Variants in ACBD5 observed in about 807,000 individuals in gnomAD.
ACBD5 encodes the protein acyl-CoA binding domain containing 5.
In ACBD5, 40 loss-of-function variants were observed where a neutral mutation model predicts 71.8. The observed-to-expected ratio is 0.56, with a 90% CI of 0.43 to 0.72. The LOEUF (loss-of-function observed/expected upper bound fraction) is 0.72, where lower values mean the gene tolerates loss of function less well. ACBD5 is among the 30% of genes least tolerant of loss of function. ACBD5 has a pLI of 0.00. For synonymous variants in ACBD5, 229 were observed against 218.6 expected, an observed-to-expected ratio of 1.05 and a Z score of -0.42; for missense variants, 559 against 644.5, an observed-to-expected ratio of 0.87 and a Z score of 1.44.
chr10:27,208,148 T>C, intron 10 of ACBD5, 98 bp downstream of exon 10: 3 of 1,291,130 alleles, frequency 2.3e-6, no homozygotes, highest in Non-Finnish European at 3.3e-6. Context: ...AAAAAATCAG[T>C]AAAATACATT....
Position 27,196,245 on chromosome 10 carries a change from C to A in ACBD5, c.*1185G>T, listed in dbSNP as rs1179467496. 2.2e-6 allele frequency: 1 copy of A among 454,020 alleles called. No homozygotes were observed. The highest frequency in any genetic ancestry group is 2.4e-5 in the Admixed American group (1 of 42,534). The allele number at this position is 454,020 out of a possible 1,614,324, so 28.1% of individuals were successfully genotyped here. A position where few individuals can be genotyped will look rare whatever the true frequency, so the allele number is the denominator to read the frequency against. ...ACAAAGACTGCATCAAAGAAATCTT[C>A]AAAGCACAAGGTACATCTAAGTGAG... On this transcript the variant is annotated 3_prime_UTR_variant, in exon 13 of 13. Transcript: ENST00000396271.
At chr10:27,206,666 C>A (rs563468291) in intron 10 of ACBD5, among the ~76,000 whole-genome samples, 1 of 152,066 alleles carries the variant, frequency 6.6e-6, no homozygotes, top group Non-Finnish European at 1.5e-5. Context: ...CAGGCATGCA[C>A]CACCACGCCC....
In ACBD5 at chr10:27,208,137, A is replaced by G. The variant is rs1336557040; in HGVS notation, c.1404+109T>C. The G allele has an allele frequency of 4.2e-6, 5 of 1,200,312 alleles. No individual in the cohort carries two copies. In the Admixed American group the frequency reaches 9.2e-5, roughly 22 times the overall value. 74.4% of individuals were successfully genotyped at this position (1,200,312 alleles called of 1,614,324 possible). A position where few individuals can be genotyped will look rare whatever the true frequency, so the allele number is the denominator to read the frequency against. On this transcript the variant is annotated intron_variant, in intron 10 of 12. Transcript: ENST00000396271. ...TTTTCAAAACCAAGTTCTATTTTCT[A>G]AAAAAATCAGTAAAATACATTAATT... is the stretch of plus-strand genomic sequence containing the variant.
In ACBD5 at chr10:27,235,216, T is replaced by C. The variant is rs1205111287; in HGVS notation, c.182-4A>G. 1.2e-5 allele frequency: 19 copies of C among 1,613,756 alleles called. No individual in the cohort carries two copies. Among genetic ancestry groups the C allele is most frequent in the Non-Finnish European group, 1.5e-5 (18 of 1,179,912 alleles). ...TCATTTGTTGGCTGGAATGAACCTG[T>C]TGGAAACACACATTAAATACAAATC... On this transcript the variant is annotated splice_region_variant and splice_polypyrimidine_tract_variant and intron_variant, in intron 2 of 12. Transcript: ENST00000396271.
At chr10:27,218,240 T>C in intron 6 of ACBD5, 57 bp from the exon 7 acceptor site, 1 of 1,317,938 alleles carries the variant, frequency 7.6e-7, no homozygotes, top group Non-Finnish European at 1.1e-6. Context: ...ACCTTCTGCA[T>C]ACCATGTTTT....
At chr10:27,235,001 A>T in intron 3 of ACBD5, 91 bp downstream of exon 3, 1 of 1,343,242 alleles carries the variant, frequency 7.4e-7, no homozygotes, top group Non-Finnish European at 1.0e-6. Flanking sequence ...CACTTTCTGC[A>T]CAGAATAATA....
chr10:27,228,791 T>TTCTATATATATA (rs1306544829), intron 4 of ACBD5, among the ~76,000 whole-genome samples: 4 of 22,138 alleles, frequency 1.8e-4, no homozygotes, highest in South Asian at 1.6e-3. Flanking sequence ...CCTATTATGT[T>TTCTATATATATA]TATATATATA....
In ACBD5 at chr10:27,220,764, A is replaced by G. The variant is rs181498838; in HGVS notation, c.491-907T>C. ...CAATCTTGAAAAATAACAAAATTGGAGGACTCATCATTCCTGATTTCAAAA... is the reference window on the plus strand; with the variant it reads ...CAATCTTGAAAAATAACAAAATTGGGGGACTCATCATTCCTGATTTCAAAA... On this transcript the variant is annotated intron_variant, in intron 5 of 12. Coordinates refer to ENST00000396271, the MANE Select transcript of ACBD5 (RefSeq NM_145698.5). Among the ~76,000 whole-genome samples, 5 of 152,262 alleles carry G rather than the reference A, an allele frequency of 3.3e-5. 1 individual carries two copies. In the East Asian group the frequency reaches 9.6e-4, roughly 29 times the overall value.
chr10:27,240,043 C>T lies in ACBD5; in HGVS notation c.181+276G>A, dbSNP rs984833428. Among the ~76,000 whole-genome samples the T allele has an allele frequency of 7.9e-5, 12 of 152,142 alleles. No homozygotes were observed. Among genetic ancestry groups the T allele is most frequent in the Non-Finnish European group, 1.3e-4 (9 of 68,038 alleles). ...GATTACAGGCTTGAGCCACCGCGCC[C>T]GGCCCGGATTTATTTTTTAACACAC... On this transcript the variant is annotated intron_variant, in intron 2 of 12. Coordinates refer to ENST00000396271, the MANE Select transcript of ACBD5 (RefSeq NM_145698.5). The surrounding 1 kb of genome is among the most constrained non-coding windows in gnomAD (Gnocchi z 4.1).
intron 13 of ACBD5, among the ~76,000 whole-genome samples, chr10:27,183,087 T>G (rs2058420178): frequency 6.6e-6 from 1 of 152,232 alleles, no homozygotes; most frequent in South Asian, 2.1e-4. Flanking sequence ...AGAGAGATGT[T>G]CTGTAATTTC....
At chr10:27,237,294 G>T (rs2064842969) in intron 2 of ACBD5, among the ~76,000 whole-genome samples, 1 of 152,108 alleles carries the variant, frequency 6.6e-6, no homozygotes, top group African/African-American at 2.4e-5. Flanking sequence ...TGTCCTCAAG[G>T]TGCTCACACA....
downstream of ACBD5, among the ~76,000 whole-genome samples, chr10:27,190,346 T>A (rs560142970): frequency 6.6e-6 from 1 of 152,204 alleles, no homozygotes; most frequent in African/African-American, 2.4e-5. Context: ...AATCCAGAAA[T>A]TATGTTTGAA....
At chr10:27,221,702 T>G (rs1466322316) in intron 5 of ACBD5, among the ~76,000 whole-genome samples, 1 of 151,578 alleles carries the variant, frequency 6.6e-6, no homozygotes, top group Non-Finnish European at 1.5e-5. Flanking sequence ...TTACCTGAGG[T>G]CAGGAGTTCG....
At chr10:27,194,155 G>A (rs563745725), downstream of ACBD5, among the ~76,000 whole-genome samples, 6 of 152,082 alleles carry the variant, frequency 3.9e-5, no homozygotes, top group African/African-American at 1.4e-4. Context: ...GGAGGCTGAG[G>A]CAGGAGAATC....
chr10:27,185,945 C>T (rs750595221), intron 13 of ACBD5, among the ~76,000 whole-genome samples: 6 of 152,014 alleles, frequency 3.9e-5, no homozygotes, highest in Non-Finnish European at 7.4e-5. Context: ...CAAAATTAGC[C>T]TGGTGTGGTG....
At chr10:27,237,548 T>C (rs972745138) in intron 2 of ACBD5, among the ~76,000 whole-genome samples, 1 of 152,040 alleles carries the variant, frequency 6.6e-6, no homozygotes, top group African/African-American at 2.4e-5. Context: ...CTGCTTCAAT[T>C]AATATCAACT....
intron 9 of ACBD5, among the ~76,000 whole-genome samples, chr10:27,208,987 T>C (rs2060772620): frequency 6.6e-6 from 1 of 152,204 alleles, no homozygotes; most frequent in African/African-American, 2.4e-5. Context: ...ATATACATAA[T>C]ATACTAATAC....
At position 27,197,414 on chromosome 10, in the gene ACBD5, G is replaced by T. The variant is rs1254675351; in HGVS notation, c.*16C>A. ...ATCCAGTTCCAGTAGTCTTCTTGAG[G>T]AAAACACCATTTTCCTCAGTTCAGT... On this transcript the variant is annotated 3_prime_UTR_variant, in exon 13 of 13. Transcript: ENST00000396271. 1 of 1,610,310 alleles carries T rather than the reference G, an allele frequency of 6.2e-7. No homozygotes were observed. The highest frequency in any genetic ancestry group is 1.7e-5 in the Admixed American group (1 of 59,754).
At chr10:27,226,449 TAC>T (rs66967226) in intron 4 of ACBD5, among the ~76,000 whole-genome samples, 4,381 of 134,958 alleles carry the variant, frequency 0.032, 128 homozygotes, top group African/African-American at 0.087. Flanking sequence ...AGATACAGAC[TAC>T]ACACACACAC....
Sources: allele counts gnomAD v4.1 joint callset (sites outside exome capture counted in the v4.1 genomes callset), GRCh38; gene constraint gnomAD v4.1.1; non-coding constraint Gnocchi (gnomAD v3.1); transcripts MANE v1.5; gene names NCBI Gene and HGNC (gene_info 2026-07-23, HGNC 2026-07-21).